AARS2: variants seen among roughly 807,000 people sequenced by gnomAD.
AARS2 encodes alanine--tRNA ligase, mitochondrial.
Under a neutral mutation model 119.7 loss-of-function variants are expected in AARS2, and 78 were observed. The ratio of observed to expected loss-of-function variants is 0.65; its 90% CI spans 0.54 to 0.79. The LOEUF is 0.79. Ranked by LOEUF, AARS2 falls within the 30% of genes least tolerant of loss-of-function variation. AARS2 has a pLI of 0.00. For missense variants in AARS2, 1,157 were observed against 1,291.3 expected, an observed-to-expected ratio of 0.90 and a Z score of 1.59; for synonymous variants, 502 against 526.3, an observed-to-expected ratio of 0.95 and a Z score of 0.63.
rs2153355427 is a variant in AARS2, at chr6:44,307,305, G to C, written c.984C>G (p.Ile328Met). ...DTAYRVVADH[I>M]RTLSVCISDG... Reference sequence around the variant, plus strand: ...CAGAGATGCAGACACTGAGTGTGCGGATGTGGTCAGCCACCACGCGGTACG... The same window carrying C: ...CAGAGATGCAGACACTGAGTGTGCGCATGTGGTCAGCCACCACGCGGTACG... Residue 328 changes from isoleucine (I) to methionine (M), a missense_variant, in exon 6 of 22, where the codon ATC becomes ATG. Physicochemically the swap from Ile to Met is conservative, Grantham distance 10. Coordinates refer to ENST00000244571, the MANE Select transcript of AARS2 (RefSeq NM_020745.4). The surrounding 1 kb of genome is among the most constrained non-coding windows in gnomAD (Gnocchi z 4.4). 6.2e-7 allele frequency: 1 copy of C among 1,613,928 alleles called. No individual in the cohort carries two copies. The highest frequency in any genetic ancestry group is 8.5e-7 in the Non-Finnish European group (1 of 1,179,918).
rs147163018 is a variant in AARS2 at position 44,303,101 on chromosome 6, G to A, written c.2220C>T (p.Ala740=). The A allele has an allele frequency of 7.7e-5, 124 of 1,613,998 alleles. No individual in the cohort carries two copies. Among genetic ancestry groups the A allele is most frequent in the South Asian group, 5.2e-4 (47 of 91,088 alleles). The change falls in exon 16 of 22, where the codon GCC becomes GCT. Residue 740 remains alanine (A), a synonymous_variant. Coordinates refer to ENST00000244571, the MANE Select transcript of AARS2 (RefSeq NM_020745.4). ...ATAGCTCCACAGAGGTCTGCAGTGC[G>A]GCTTGGGAGGCTGGGTCCAATGCAT... ...VAHALDPASQ[A]ALQTSVELCC... is the part of the protein sequence containing the mutation.
intron 1 of AARS2, 22 bp from the exon 2 acceptor site, chr6:44,312,285 AG>A (rs753069482): frequency 1.9e-6 from 3 of 1,609,514 alleles, no homozygotes; most frequent in South Asian, 2.2e-5. Flanking sequence ...TAGAGTGGGG[AG>A]GGGGAGAGGG....
intron 7 of AARS2, 121 bp from the exon 8 acceptor site, chr6:44,306,653 G>A: frequency 1.6e-6 from 2 of 1,230,268 alleles, no homozygotes; most frequent in South Asian, 1.2e-5. Flanking sequence ...GGGGCTGGGA[G>A]AGGGACTCAA....
chr6:44,308,663 G>A (rs1438802175), intron 5 of AARS2, among the ~76,000 whole-genome samples: 2 of 152,020 alleles, frequency 1.3e-5, no homozygotes, highest in Admixed American at 6.5e-5. Context: ...GCAGTAGCAC[G>A]ATCTCAGCTT....
Position 44,300,715 on chromosome 6 carries a change from G to T in AARS2, c.2794-4C>A. 1 of 1,612,056 alleles carries T rather than the reference G, an allele frequency of 6.2e-7. No individual in the cohort carries two copies. The highest frequency in any genetic ancestry group is 1.7e-4 in the Middle Eastern group (1 of 6,046). On this transcript the variant is annotated splice_polypyrimidine_tract_variant and splice_region_variant and intron_variant, in intron 21 of 21. Coordinates refer to ENST00000244571, the MANE Select transcript of AARS2 (RefSeq NM_020745.4). ...CTGTGAAGGTGGGCATGGCACCCTAGGAACAGAATCAGAAGAGGAAGCGAT... is the reference window on the plus strand; with the variant it reads ...CTGTGAAGGTGGGCATGGCACCCTATGAACAGAATCAGAAGAGGAAGCGAT...
chr6:44,304,658 C>T lies in AARS2; in HGVS notation c.1739G>A (p.Arg580Gln), dbSNP rs749217850. 6.2e-6 allele frequency: 10 copies of T among 1,614,082 alleles called. No homozygotes were observed. Among genetic ancestry groups the T allele is most frequent in the South Asian group, 1.1e-5 (1 of 91,086 alleles). The change falls in exon 12 of 22, where the codon CGG becomes CAG. Residue 580 changes from arginine (R) to glutamine (Q), a missense_variant. Transcript: ENST00000244571. ...ATGGAGACTCACCTCTTGCCCTGCC[C>T]GCACCAGGTAGCCACGGTCTGAAGC... is the stretch of plus-strand genomic sequence containing the variant. ...GQASDRGYLV[R>Q]AGQEDVLFPV... is the part of the protein sequence containing the mutation.
chr6:44,310,811 A>G (rs1019108957), intron 4 of AARS2, among the ~76,000 whole-genome samples, 183 bp downstream of exon 4: 1 of 152,266 alleles, frequency 6.6e-6, no homozygotes, highest in Non-Finnish European at 1.5e-5. Flanking sequence ...GACTTGTTTA[A>G]GCTGTCACAG....
At chr6:44,302,231 G>A in intron 18 of AARS2, 61 bp from the exon 19 acceptor site, 1 of 1,610,302 alleles carries the variant, frequency 6.2e-7, no homozygotes, top group Non-Finnish European at 8.5e-7. Flanking sequence ...CTGAGGTAGG[G>A]ACCAGCAGGG....
Position 44,310,405 on chromosome 6 carries a change from T to A in AARS2, c.788A>T (p.His263Leu). ...TTCCAGGCCCATTCCTGTGTCCACA[T>A]GCCGCTGGGGCAGGGGCTGCAGGCT... ...DGSLQPLPQR[H>L]VDTGMGLERL... is the part of the protein sequence containing the mutation. The change falls in exon 5 of 22, where the codon CAT (histidine) becomes CTT (leucine). Residue 263 changes from histidine (H) to leucine (L), a missense_variant. Coordinates refer to ENST00000244571, the MANE Select transcript of AARS2 (RefSeq NM_020745.4). The A allele has an allele frequency of 6.2e-7, 1 of 1,614,110 alleles. No homozygotes were observed. Among genetic ancestry groups the A allele is most frequent in the South Asian group, 1.1e-5 (1 of 91,078 alleles).
chr6:44,304,926 TG>T (rs1281699936), intron 11 of AARS2, 109 bp from the exon 12 acceptor site: 1 of 1,603,708 alleles, frequency 6.2e-7, no homozygotes, highest in East Asian at 2.2e-5. Context: ...CACTTCCAGC[TG>T]GGGGCCACAG....
At position 44,304,483 on chromosome 6, in the gene AARS2, C is replaced by T; in HGVS notation, c.1803G>A (p.Leu601=). 1 of 1,614,202 alleles carries T rather than the reference C, an allele frequency of 6.2e-7. No homozygotes were observed. The highest frequency in any genetic ancestry group is 8.5e-7 in the Non-Finnish European group (1 of 1,180,028). The change falls in exon 13 of 22, where the codon CTG becomes CTA. Residue 601 remains leucine (L), a synonymous_variant. Coordinates refer to ENST00000244571, the MANE Select transcript of AARS2 (RefSeq NM_020745.4). ...ARAQVCGGFI[L]HEAVAPECLR... is the part of the protein sequence containing the mutation. ...GGCACTCAGGGGCTACTGCCTCATG[C>T]AGGATGAAACCTCCACAGACCTGGG...
intron 1 of AARS2, among the ~76,000 whole-genome samples, chr6:44,312,505 G>T (rs1367485902): frequency 1.3e-5 from 2 of 152,154 alleles, no homozygotes; most frequent in Admixed American, 1.3e-4. Flanking sequence ...AGTAAAATAG[G>T]CAAGGTAAAA....
rs1785472045 is a variant in AARS2 at position 44,302,809 on chromosome 6, G to T, written c.2357C>A (p.Ala786Asp). ...TRLLAVTGEQ[A>D]QQARELGQSL... ...GCCTACTGGCATGCTGACCTGCTGG[G>T]CCTGCTCCCCAGTGACGGCCAGCAG... Residue 786 changes from alanine to aspartate, a missense_variant, in exon 17 of 22, where the codon GCC becomes GAC. Ala to Asp is a moderately radical substitution (Grantham distance 126, BLOSUM62 -2). Coordinates refer to ENST00000244571, the MANE Select transcript of AARS2 (RefSeq NM_020745.4). 2.5e-6 allele frequency: 4 copies of T among 1,613,402 alleles called. No individual in the cohort carries two copies. The highest frequency in any genetic ancestry group is 3.4e-6 in the Non-Finnish European group (4 of 1,179,816).
In AARS2 at chr6:44,302,114, C is replaced by T. The variant is rs749027797; in HGVS notation, c.2544G>A (p.Val848=). 6.2e-6 allele frequency: 10 copies of T among 1,613,796 alleles called. No homozygotes were observed. The highest frequency in any genetic ancestry group is 8.5e-6 in the Non-Finnish European group (10 of 1,180,014). The change falls in exon 19 of 22, where the codon GTG becomes GTA. Residue 848 remains valine (V), a synonymous_variant. Coordinates refer to ENST00000244571, the MANE Select transcript of AARS2 (RefSeq NM_020745.4). The part of the protein sequence containing the change: ...QWQRRELLAT[V]KMLQRRANTA... ...TGTTGGCACGCCGCTGCAGCATCTT[C>T]ACTGTGGCCAGCAGCTCCCGCCGCT...
intron 4 of AARS2, 30 bp downstream of exon 4, chr6:44,310,964 G>T: frequency 6.2e-7 from 1 of 1,613,544 alleles, no homozygotes; most frequent in African/African-American, 1.3e-5. Flanking sequence ...TCTAGTCAGG[G>T]ATTCTCATCC....
Position 44,304,708 on chromosome 6 carries a change from G to A in AARS2, c.1689C>T (p.Asn563=). ...QRCGLLLDRT[N]FYAEQGGQAS... is the part of the protein sequence containing the mutation. ...CCTGGCCCCCCTGTTCTGCGTAGAA[G>A]TTGGTCCTGTCCAAGAGGAGGCCAC... is the stretch of plus-strand genomic sequence containing the variant. The change falls in exon 12 of 22, where the codon AAC becomes AAT. Residue 563 remains asparagine (N), a synonymous_variant. Coordinates refer to ENST00000244571, the MANE Select transcript of AARS2 (RefSeq NM_020745.4). 1 of 1,614,264 alleles carries A rather than the reference G, an allele frequency of 6.2e-7. No individual in the cohort carries two copies. Among genetic ancestry groups the A allele is most frequent in the African/African-American group, 1.3e-5 (1 of 75,064 alleles).
At position 44,305,648 on chromosome 6, in the gene AARS2, T is replaced by C. The variant is rs1785781413; in HGVS notation, c.1434+5A>G. ...GAACCCAGCATGGGGTGCCACAGCTTGTACCTGGGCCTCCTCTTGGGCCAA... is the reference window on the plus strand; with the variant it reads ...GAACCCAGCATGGGGTGCCACAGCTCGTACCTGGGCCTCCTCTTGGGCCAA... On this transcript the variant is annotated splice_donor_5th_base_variant and intron_variant, in intron 10 of 21. Coordinates refer to ENST00000244571, the MANE Select transcript of AARS2 (RefSeq NM_020745.4). This position sits in a 1 kb window ranked among gnomAD's most constrained non-coding sequence, Gnocchi z 4.6. 3 of 1,613,882 alleles carry C rather than the reference T, an allele frequency of 1.9e-6. No homozygotes were observed. The highest frequency in any genetic ancestry group is 2.7e-5 in the African/African-American group (2 of 75,022).
Position 44,304,639 on chromosome 6 carries a change from A to T in AARS2, c.1752+6T>A. ...GAAATCAGCCTGGGTTGTGATGGAGACTCACCTCTTGCCCTGCCCGCACCA... is the reference window on the plus strand; with the variant it reads ...GAAATCAGCCTGGGTTGTGATGGAGTCTCACCTCTTGCCCTGCCCGCACCA... On this transcript the variant is annotated splice_donor_region_variant and intron_variant, in intron 12 of 21. Coordinates refer to ENST00000244571, the MANE Select transcript of AARS2 (RefSeq NM_020745.4). 1 of 1,613,870 alleles carries T rather than the reference A, an allele frequency of 6.2e-7. No individual in the cohort carries two copies. Among genetic ancestry groups the T allele is most frequent in the Non-Finnish European group, 8.5e-7 (1 of 1,179,946 alleles).
chr6:44,303,560 A>G lies in AARS2; in HGVS notation c.2008-137T>C. 3 of 1,304,088 alleles carry G rather than the reference A, an allele frequency of 2.3e-6. No individual in the cohort carries two copies. The South Asian group carries it at 3.8e-5, about 16-fold the overall frequency. 80.8% of individuals were successfully genotyped at this position (1,304,088 alleles called of 1,614,324 possible). On this transcript the variant is annotated intron_variant, in intron 14 of 21. Transcript: ENST00000244571. Reference sequence around the variant, plus strand: ...AGTGGCTAGCACATAATAGGTGCTCAATAAACACTACCTGAGCAGACAATT... The same window carrying G: ...AGTGGCTAGCACATAATAGGTGCTCGATAAACACTACCTGAGCAGACAATT...
Sources: gnomAD v4.1 joint callset for allele counts (sites outside exome capture counted in the v4.1 genomes callset) on GRCh38, gnomAD v4.1.1 for gene constraint, Gnocchi (gnomAD v3.1) non-coding constraint, MANE v1.5 for transcripts, NCBI Gene and HGNC (gene_info 2026-07-23, HGNC 2026-07-21) for gene names.